KIAA0825: variants seen among roughly 807,000 people sequenced by gnomAD.
KIAA0825 encodes uncharacterized protein KIAA0825.
In KIAA0825, 119 loss-of-function variants were observed where a neutral mutation model predicts 147.6. The ratio of observed to expected loss-of-function variants is 0.81; its 90% CI spans 0.69 to 0.94. The LOEUF (loss-of-function observed/expected upper bound fraction) is 0.94. Ranked by LOEUF, KIAA0825 falls within the 40% of genes least tolerant of loss-of-function variation. The pLI is 0.00. For missense variants in KIAA0825, 1,381 were observed against 1,472.7 expected, an observed-to-expected ratio of 0.94 and a Z score of 1.02; for synonymous variants, 470 against 518.1, an observed-to-expected ratio of 0.91 and a Z score of 1.26.
intron 20 of KIAA0825, among the ~76,000 whole-genome samples, chr5:94,318,889 ATTT>A (rs1200445342): frequency 1.3e-5 from 2 of 151,766 alleles, no homozygotes; most frequent in African/African-American, 4.8e-5. Flanking sequence ...CTGAAGACGG[ATTT>A]TTTTCTTCAT....
intron 1 of KIAA0825, among the ~76,000 whole-genome samples, chr5:94,594,985 C>T (rs1018788578): frequency 3.3e-5 from 5 of 152,148 alleles, no homozygotes; most frequent in Admixed American, 3.3e-4. Flanking sequence ...GGCAGCTCCA[C>T]TTCTGTGGCT....
At chr5:94,158,696 G>T (rs1003475649) in intron 20 of KIAA0825, among the ~76,000 whole-genome samples, 2 of 152,100 alleles carry the variant, frequency 1.3e-5, no homozygotes, top group Admixed American at 6.6e-5. Flanking sequence ...GCAGAATGAG[G>T]GTTTAGAAGT....
rs754034327 is a variant in KIAA0825 at position 94,159,763 on chromosome 5, A to C, written c.3711-5639T>G. 2.0e-4 allele frequency among the ~76,000 whole-genome samples: 31 copies of C among 152,278 alleles called. No homozygotes were observed. The South Asian group carries it at 2.5e-3, about 12-fold the overall frequency. ...CTGTATTTTTCAAACACAGACTGTA[A>C]TAATGGCATTTGATCATATTTTTGG... is the stretch of plus-strand genomic sequence containing the variant. On this transcript the variant is annotated intron_variant, in intron 20 of 20. Transcript: ENST00000682413.
chr5:94,355,580 T>C (rs546656365), intron 20 of KIAA0825, among the ~76,000 whole-genome samples: 1 of 152,320 alleles, frequency 6.6e-6, no homozygotes, highest in South Asian at 2.1e-4. Flanking sequence ...CTCAAAAATA[T>C]GATTTGTAAG....
At chr5:94,286,644 T>C (rs1040116915) in intron 20 of KIAA0825, among the ~76,000 whole-genome samples, 15 of 152,268 alleles carry the variant, frequency 9.9e-5, no homozygotes, top group African/African-American at 3.4e-4. Flanking sequence ...CCTCAAATTC[T>C]TGGGCTCAAG....
chr5:94,488,657 G>A (rs1035091681), intron 5 of KIAA0825, among the ~76,000 whole-genome samples: 1 of 152,000 alleles, frequency 6.6e-6, no homozygotes, highest in Non-Finnish European at 1.5e-5. Context: ...CTTCATGATA[G>A]AGTTATAATG....
At chr5:94,453,339 ATT>A (rs563316235) in intron 12 of KIAA0825, among the ~76,000 whole-genome samples, 30,641 of 118,778 alleles carry the variant, frequency 0.26, 3,340 homozygotes, top group African/African-American at 0.34. Context: ...CGTGTGGCTG[ATT>A]TTTTTTTTTT....
At chr5:94,578,344 A>G (rs1046634115) in intron 2 of KIAA0825, among the ~76,000 whole-genome samples, 6 of 152,226 alleles carry the variant, frequency 3.9e-5, no homozygotes, top group Admixed American at 2.6e-4. Context: ...GCTGAGGTAT[A>G]GAATTATATA....
chr5:94,554,962 C>T (rs1362983632), intron 2 of KIAA0825, among the ~76,000 whole-genome samples: 1 of 151,268 alleles, frequency 6.6e-6, no homozygotes, highest in Admixed American at 6.6e-5. Context: ...TCAACTTTTA[C>T]AAAAAATTAA....
At chr5:94,203,550 C>A (rs1280080879) in intron 20 of KIAA0825, among the ~76,000 whole-genome samples, 1 of 152,044 alleles carries the variant, frequency 6.6e-6, no homozygotes, top group Non-Finnish European at 1.5e-5. Context: ...GAAAGCATTT[C>A]CAATCTGCAA....
intron 2 of KIAA0825, among the ~76,000 whole-genome samples, chr5:94,580,817 A>C (rs1401106282): frequency 2.5e-5 from 1 of 40,010 alleles, no homozygotes; most frequent in East Asian, 5.8e-4. Context: ...CGGAGCTTGC[A>C]GTGAGCCGAG....
chr5:94,411,561 C>T (rs1752771333), intron 15 of KIAA0825, among the ~76,000 whole-genome samples: 1 of 152,146 alleles, frequency 6.6e-6, no homozygotes. Flanking sequence ...ATGACTAAAA[C>T]TATAAAATTG....
intron 20 of KIAA0825, among the ~76,000 whole-genome samples, chr5:94,208,711 T>C (rs1772430780): frequency 6.6e-6 from 1 of 152,106 alleles, no homozygotes; most frequent in Non-Finnish European, 1.5e-5. Context: ...TGGGGAGGAA[T>C]TCTAGATGAA....
At chr5:94,252,175 T>C (rs976319604) in intron 20 of KIAA0825, among the ~76,000 whole-genome samples, 7 of 152,004 alleles carry the variant, frequency 4.6e-5, no homozygotes, top group African/African-American at 1.7e-4. Context: ...CTTAGCACAA[T>C]TAATATTGTA....
chr5:94,365,124 C>T (rs186066845), intron 20 of KIAA0825, among the ~76,000 whole-genome samples: 2 of 152,144 alleles, frequency 1.3e-5, no homozygotes, highest in African/African-American at 2.4e-5. Context: ...AAATCGGGCC[C>T]TCAAGCCTGT....
chr5:94,264,221 C>A (rs1164261082), intron 20 of KIAA0825, among the ~76,000 whole-genome samples: 1 of 152,176 alleles, frequency 6.6e-6, no homozygotes, highest in Admixed American at 6.5e-5. Context: ...ACACATTAAA[C>A]ACACATACAA....
chr5:94,334,860 G>C (rs1213283628), intron 20 of KIAA0825, among the ~76,000 whole-genome samples: 1 of 152,144 alleles, frequency 6.6e-6, no homozygotes, highest in Non-Finnish European at 1.5e-5. Flanking sequence ...TTCAAACTCA[G>C]AAGAGCAACA....
In KIAA0825 at chr5:94,166,792, C is replaced by T. The variant is rs531291959; in HGVS notation, c.3711-12668G>A. Among the ~76,000 whole-genome samples, 3 of 151,996 alleles carry T rather than the reference C, an allele frequency of 2.0e-5. No individual in the cohort carries two copies. The East Asian group carries it at 5.8e-4, about 29-fold the overall frequency. ...CAAAGTGCTCATGTCCTTCTTGACT[C>T]ATTGGAAAGGCAGCAACATTAATGA... On this transcript the variant is annotated intron_variant, in intron 20 of 20. Transcript: ENST00000682413.
At chr5:94,383,980 T>C (rs950434569) in intron 20 of KIAA0825, among the ~76,000 whole-genome samples, 5 of 152,162 alleles carry the variant, frequency 3.3e-5, no homozygotes, top group Non-Finnish European at 7.4e-5. Flanking sequence ...ATTCATTAAG[T>C]TGTTGTAAAC....
Sources: allele counts gnomAD v4.1 joint callset (sites outside exome capture counted in the v4.1 genomes callset), GRCh38; gene constraint gnomAD v4.1.1; transcripts MANE v1.5; gene names NCBI Gene and HGNC (gene_info 2026-07-23, HGNC 2026-07-21).